Variants in FRMD4B observed in about 807,000 individuals in gnomAD.
FRMD4B encodes FERM domain containing 4B.
FRMD4B carries 74 observed loss-of-function variants against 141.5 expected under a neutral mutation model. That is an observed-to-expected ratio of 0.52 (90% CI 0.43 to 0.63). The LOEUF (loss-of-function observed/expected upper bound fraction) is 0.63. FRMD4B is among the 30% of genes least tolerant of loss of function. The pLI is 0.00. For synonymous variants in FRMD4B, 506 were observed against 467.9 expected (o/e 1.08, Z -1.05); for missense variants, 1,366 against 1,253.4 (o/e 1.09, Z -1.36).
In FRMD4B at chr3:69,470,933, T is replaced by C. The variant is rs535873652; in HGVS notation, c.-128-38172A>G. ...CACATGGCCGACAGGCTTGAAACAA[T>C]AGAATTTAGTCAAATAATGATTAAC... On this transcript the variant is annotated intron_variant, in intron 1 of 5. Transcript: ENST00000459638. 2.0e-5 allele frequency among the ~76,000 whole-genome samples: 3 copies of C among 152,280 alleles called. No individual in the cohort carries two copies. In the South Asian group the frequency reaches 6.2e-4, roughly 32 times the overall value.
intron 1 of FRMD4B, among the ~76,000 whole-genome samples, chr3:69,346,770 C>T (rs1292178145): frequency 1.3e-5 from 2 of 152,092 alleles, no homozygotes; most frequent in African/African-American, 4.8e-5. Flanking sequence ...CCTTTACAGA[C>T]AAGCAAATGC....
At chr3:69,463,875 T>C (rs1343650671) in intron 1 of FRMD4B, among the ~76,000 whole-genome samples, 2 of 152,144 alleles carry the variant, frequency 1.3e-5, no homozygotes. Context: ...TGAGTACAGC[T>C]TTGAAAGGCT....
intron 1 of FRMD4B, among the ~76,000 whole-genome samples, chr3:69,328,708 T>C (rs983032841): frequency 2.6e-5 from 4 of 152,188 alleles, no homozygotes; most frequent in Admixed American, 6.5e-5. Flanking sequence ...ACACTAATTA[T>C]AATGCAATTG....
chr3:69,403,552 G>A lies in FRMD4B; in HGVS notation c.-1+29082C>T, dbSNP rs191346039. Among the ~76,000 whole-genome samples the A allele has an allele frequency of 7.0e-4, 106 of 152,186 alleles. 1 individual carries two copies. The highest frequency in any genetic ancestry group is 2.4e-3 in the African/African-American group (98 of 41,514). On this transcript the variant is annotated intron_variant, in intron 2 of 5. Transcript: ENST00000459638. The stretch of plus-strand genomic sequence containing the variant: ...TGGGGAAGCTAACCCCATTCCTGCC[G>A]TTGCTACTAAACCCTGAGACTATGA...
At chr3:69,281,759 G>C (rs2093645350) in intron 5 of FRMD4B, among the ~76,000 whole-genome samples, 1 of 151,366 alleles carries the variant, frequency 6.6e-6, no homozygotes, top group East Asian at 1.9e-4. Flanking sequence ...AGAAGGCGGA[G>C]GTTGTAGTGA....
chr3:69,221,822 T>C (rs746576829), intron 9 of FRMD4B, 36 bp downstream of exon 9: 10 of 1,100,026 alleles, frequency 9.1e-6, no homozygotes, highest in East Asian at 2.4e-5. Flanking sequence ...ATGAGAGATA[T>C]TAAAATTATA....
At chr3:69,229,367 T>C (rs2093284822) in intron 7 of FRMD4B, among the ~76,000 whole-genome samples, 1 of 152,108 alleles carries the variant, frequency 6.6e-6, no homozygotes, top group African/African-American at 2.4e-5. Context: ...GCCTTATTTC[T>C]TCACGTTAGA....
At chr3:69,423,582 G>A (rs1054795988) in intron 2 of FRMD4B, among the ~76,000 whole-genome samples, 5 of 152,178 alleles carry the variant, frequency 3.3e-5, no homozygotes, top group Admixed American at 3.3e-4. Context: ...ATGAATGTTT[G>A]TGTATTTCCA....
At chr3:69,182,278 T>C (rs1489825164) in intron 20 of FRMD4B, among the ~76,000 whole-genome samples, 1 of 152,180 alleles carries the variant, frequency 6.6e-6, no homozygotes, top group Admixed American at 6.5e-5. Context: ...ATCCAGTGAA[T>C]ATAAAACATT....
intron 1 of FRMD4B, among the ~76,000 whole-genome samples, chr3:69,495,575 G>A (rs1706369652): frequency 6.6e-6 from 1 of 152,174 alleles, no homozygotes; most frequent in Non-Finnish European, 1.5e-5. Flanking sequence ...ACGAATTTGG[G>A]TCATCCGACA....
intron 2 of FRMD4B, among the ~76,000 whole-genome samples, chr3:69,410,410 G>C (rs889334198): frequency 1.6e-4 from 24 of 152,104 alleles, no homozygotes; most frequent in African/African-American, 5.6e-4. Flanking sequence ...GTGAGTATGA[G>C]TATGAGGGTG....
At chr3:69,237,973 C>T (rs569215697) in intron 7 of FRMD4B, among the ~76,000 whole-genome samples, 1 of 152,294 alleles carries the variant, frequency 6.6e-6, no homozygotes, top group Admixed American at 6.5e-5. Flanking sequence ...CTCAGGCAAT[C>T]GGCCGGCGTT....
At chr3:69,399,844 A>C (rs1470152899) in intron 2 of FRMD4B, among the ~76,000 whole-genome samples, 1 of 152,194 alleles carries the variant, frequency 6.6e-6, no homozygotes, top group Non-Finnish European at 1.5e-5. Context: ...ACACCAGACC[A>C]TAAGCTCCAT....
At chr3:69,267,662 GAGAGAGAGAGAGAGAGAGAGAGAGA>G in intron 5 of FRMD4B, among the ~76,000 whole-genome samples, 1 of 140,226 alleles carries the variant, frequency 7.1e-6, no homozygotes, top group East Asian at 2.1e-4. Flanking sequence ...GAGAGAGAGA[GAGAGAGAGAGAGAGAGAGAGAGAGA>G]GAGTGTCTGT....
chr3:69,343,275 C>G (rs1052807027), intron 1 of FRMD4B, among the ~76,000 whole-genome samples: 5 of 152,126 alleles, frequency 3.3e-5, no homozygotes, highest in Admixed American at 2.0e-4. Context: ...TTAATTACCC[C>G]CATCAGAAGC....
At chr3:69,299,102 C>T (rs1456216651) in intron 4 of FRMD4B, among the ~76,000 whole-genome samples, 1 of 152,078 alleles carries the variant, frequency 6.6e-6, no homozygotes, top group East Asian at 1.9e-4. Context: ...TCTTCACTAT[C>T]GGGTCCTCAG....
intron 11 of FRMD4B, among the ~76,000 whole-genome samples, chr3:69,214,441 C>T (rs746695699): frequency 6.6e-6 from 1 of 152,124 alleles, no homozygotes; most frequent in Non-Finnish European, 1.5e-5. Flanking sequence ...ACCAGGGCAG[C>T]ATGAGTCAGT....
intron 1 of FRMD4B, among the ~76,000 whole-genome samples, chr3:69,506,271 G>A (rs544562385): frequency 6.6e-6 from 1 of 152,174 alleles, no homozygotes; most frequent in Admixed American, 6.5e-5. Context: ...GACTGGCGGG[G>A]ACTCATAAGT....
chr3:69,181,288 C>A lies in FRMD4B; in HGVS notation c.2462G>T (p.Gly821Val), dbSNP rs765395027. Reference protein sequence around the residue: ...PYAECDFYYSGGYVYENDTEG... With the variant: ...PYAECDFYYSVGYVYENDTEG... Reference sequence around the variant, plus strand: ...GGTGTCATTCTCATAGACATAACCACCACTGTAATAAAAGTCACACTCTGC... The same window carrying A: ...GGTGTCATTCTCATAGACATAACCAACACTGTAATAAAAGTCACACTCTGC... The change falls in exon 21 of 23, where the codon GGT (glycine) becomes GTT (valine). Residue 821 changes from glycine to valine, a missense_variant. Physicochemically the swap from Gly to Val is moderately radical, Grantham distance 109. Coordinates refer to ENST00000398540, the MANE Select transcript of FRMD4B (RefSeq NM_015123.3). 16 of 1,613,784 alleles carry A rather than the reference C, an allele frequency of 9.9e-6. No homozygotes were observed. The highest frequency in any genetic ancestry group is 1.3e-5 in the African/African-American group (1 of 74,896).
Sources: allele counts gnomAD v4.1 joint callset (sites outside exome capture counted in the v4.1 genomes callset), GRCh38; gene constraint gnomAD v4.1.1; transcripts MANE v1.5; gene names NCBI Gene and HGNC (gene_info 2026-07-23, HGNC 2026-07-21).